The following USP32 variants were observed in gnomAD, a reference collection of about 807,000 sequenced individuals.
The protein encoded by USP32 is ubiquitin carboxyl-terminal hydrolase 32.
Under a neutral mutation model 204.8 loss-of-function variants are expected in USP32, and 59 were observed. That is an observed-to-expected ratio of 0.29 (90% CI 0.23 to 0.36). The LOEUF is 0.36. USP32 is among the 10% of genes least tolerant of loss of function. USP32 has a pLI of 1.00. For missense variants in USP32, 1,160 were observed against 1,946.4 expected (o/e 0.60, Z 7.60); for synonymous variants, 517 against 678.4 (o/e 0.76, Z 3.70).
Position 60,177,819 on chromosome 17 carries a change from A to T in USP32, c.*1436T>A, listed in dbSNP as rs1264716768. ...CTCAGATATCAGAACACAAATACTTAGTTACATTGGTAATTACTATCTATG... is the reference window on the plus strand; with the variant it reads ...CTCAGATATCAGAACACAAATACTTTGTTACATTGGTAATTACTATCTATG... On this transcript the variant is annotated 3_prime_UTR_variant, in exon 34 of 34. Coordinates refer to ENST00000300896, the MANE Select transcript of USP32 (RefSeq NM_032582.4). Among the ~76,000 whole-genome samples the T allele has an allele frequency of 6.6e-6, 1 of 152,242 alleles. No individual in the cohort carries two copies. The highest frequency in any genetic ancestry group is 2.4e-5 in the African/African-American group (1 of 41,466).
chr17:60,327,862 G>A lies in USP32; in HGVS notation c.186+17619C>T, dbSNP rs186218749. Among the ~76,000 whole-genome samples the A allele has an allele frequency of 2.0e-5, 3 of 152,338 alleles. No individual in the cohort carries two copies. The East Asian group carries it at 5.8e-4, about 29-fold the overall frequency. On this transcript the variant is annotated intron_variant, in intron 2 of 33. Coordinates refer to ENST00000300896, the MANE Select transcript of USP32 (RefSeq NM_032582.4). ...ACTGTCACAGCCCGGCCAGGTATGT[G>A]GACACTCAGGGCGGTGCTGACGTGC...
chr17:60,200,429 G>A (rs1469926830), intron 26 of USP32, among the ~76,000 whole-genome samples: 3 of 147,584 alleles, frequency 2.0e-5, no homozygotes, highest in South Asian at 2.2e-4. Flanking sequence ...GCGTGGTGCC[G>A]CATGCCTGTA....
intron 2 of USP32, among the ~76,000 whole-genome samples, chr17:60,338,066 T>TG (rs1424254526): frequency 3.9e-5 from 6 of 152,078 alleles, no homozygotes; most frequent in Non-Finnish European, 8.8e-5. Context: ...GCTCATGCCT[T>TG]GTAATCCAGT....
intron 5 of USP32, among the ~76,000 whole-genome samples, chr17:60,279,697 C>T (rs1453184058): frequency 6.6e-6 from 1 of 151,168 alleles, no homozygotes; most frequent in African/African-American, 2.4e-5. Context: ...CTTAGCCAGG[C>T]CTGGTGGTGT....
chr17:60,265,539 T>C, intron 8 of USP32, 65 bp from the exon 9 acceptor site: 1 of 1,091,466 alleles, frequency 9.2e-7, no homozygotes, highest in East Asian at 2.4e-5. Context: ...TGTTATTCAA[T>C]GGCTAAAGTA....
At position 60,271,563 on chromosome 17, in the gene USP32, A is replaced by G. The variant is rs556983246; in HGVS notation, c.572-82T>C. 10 of 1,344,304 alleles carry G rather than the reference A, an allele frequency of 7.4e-6. No homozygotes were observed. In the African/African-American group the frequency reaches 1.2e-4, roughly 16 times the overall value. 83.3% of individuals were successfully genotyped at this position (1,344,304 alleles called of 1,614,324 possible). ...AGTTCATCCTGATAATATATCTTCC[A>G]CAGATATATTTTAGTTTCACAATTC... On this transcript the variant is annotated intron_variant, in intron 5 of 33. Coordinates refer to ENST00000300896, the MANE Select transcript of USP32 (RefSeq NM_032582.4).
chr17:60,391,829 G>A, intron 1 of USP32, 53 bp downstream of exon 1: 1 of 1,546,820 alleles, frequency 6.5e-7, no homozygotes, highest in Admixed American at 1.8e-5. Flanking sequence ...CCACCCTCCA[G>A]GCTGCCCGTC....
chr17:60,299,525 G>GCATT (rs776260443), intron 3 of USP32, among the ~76,000 whole-genome samples: 11 of 152,314 alleles, frequency 7.2e-5, no homozygotes, highest in African/African-American at 2.6e-4. Context: ...TGAGATAACA[G>GCATT]CATTCATTCA....
intron 10 of USP32, among the ~76,000 whole-genome samples, chr17:60,253,241 G>A (rs1412565232): frequency 1.3e-5 from 2 of 152,076 alleles, no homozygotes; most frequent in Admixed American, 6.6e-5. Context: ...TGACCAAAAT[G>A]TTCATACACT....
chr17:60,254,690 T>C (rs1426855334), intron 10 of USP32, among the ~76,000 whole-genome samples: 1 of 152,060 alleles, frequency 6.6e-6, no homozygotes, highest in African/African-American at 2.4e-5. Flanking sequence ...CAGAGTGAGA[T>C]GCTGTCTCAA....
intron 4 of USP32, among the ~76,000 whole-genome samples, chr17:60,291,599 T>TG (rs1238962585): frequency 9.9e-5 from 15 of 151,958 alleles, no homozygotes; most frequent in African/African-American, 3.6e-4. Context: ...CACAAAGCAT[T>TG]GTTATTGAAG....
At chr17:60,240,044 T>C (rs1333127749) in intron 11 of USP32, among the ~76,000 whole-genome samples, 2 of 152,234 alleles carry the variant, frequency 1.3e-5, no homozygotes, top group East Asian at 3.8e-4. Flanking sequence ...CCAATTCTCC[T>C]GGTTTCCTTT....
At chr17:60,189,652 CCAGA>C (rs1281641950) in intron 29 of USP32, among the ~76,000 whole-genome samples, 1 of 152,138 alleles carries the variant, frequency 6.6e-6, no homozygotes, top group East Asian at 1.9e-4. Flanking sequence ...ATTGCTCTGG[CCAGA>C]CAGTGACAAT....
chr17:60,405,363 A>C (rs73322701), intron 1 of USP32, among the ~76,000 whole-genome samples: 2,111 of 151,868 alleles, frequency 0.014, 56 homozygotes, highest in African/African-American at 0.048. Context: ...CCTCCAAGCC[A>C]ACCTAATTTT....
chr17:60,295,422 TG>T (rs1385301984), intron 3 of USP32, among the ~76,000 whole-genome samples: 1 of 152,194 alleles, frequency 6.6e-6, no homozygotes, highest in Non-Finnish European at 1.5e-5. Flanking sequence ...CCCTTATCCA[TG>T]GTTTTGCTTT....
intron 26 of USP32, among the ~76,000 whole-genome samples, chr17:60,200,933 C>T (rs1270808580): frequency 6.6e-6 from 1 of 152,156 alleles, no homozygotes; most frequent in African/African-American, 2.4e-5. Context: ...GATCTCAGCT[C>T]ACTGCAACCT....
chr17:60,270,280 C>A (rs2086692725), intron 6 of USP32, among the ~76,000 whole-genome samples: 1 of 152,202 alleles, frequency 6.6e-6, no homozygotes, highest in Non-Finnish European at 1.5e-5. Context: ...AGAGCCCTAT[C>A]TGCCCTGGCT....
At chr17:60,255,850 T>C (rs2086289068) in intron 9 of USP32, among the ~76,000 whole-genome samples, 1 of 152,196 alleles carries the variant, frequency 6.6e-6, no homozygotes, top group African/African-American at 2.4e-5. Context: ...GGTAACTAAA[T>C]CAACAAAGAT....
At chr17:60,230,421 T>C (rs1479748290) in intron 12 of USP32, among the ~76,000 whole-genome samples, 1 of 152,240 alleles carries the variant, frequency 6.6e-6, no homozygotes, top group Non-Finnish European at 1.5e-5. Context: ...TTACCAGGCA[T>C]TAAATTTGCT....
Sources: gnomAD v4.1 joint callset for allele counts (sites outside exome capture counted in the v4.1 genomes callset) on GRCh38, gnomAD v4.1.1 for gene constraint, MANE v1.5 for transcripts, NCBI Gene and HGNC (gene_info 2026-07-23, HGNC 2026-07-21) for gene names.